TMC2: variants seen among roughly 807,000 people sequenced by gnomAD.
The protein encoded by TMC2 is transmembrane channel like 2.
A neutral mutation model predicts 105.9 loss-of-function variants in TMC2; 102 were observed. That is an observed-to-expected ratio of 0.96 (90% CI 0.82 to 1.14). The LOEUF is 1.14. Ranked by LOEUF, TMC2 falls within the 50% of genes most tolerant of loss-of-function variation. The pLI is 0.00. For synonymous variants in TMC2, 402 were observed against 422.8 expected, an observed-to-expected ratio of 0.95 and a Z score of 0.60; for missense variants, 1,093 against 1,134.3, an observed-to-expected ratio of 0.96 and a Z score of 0.52.
At position 2,624,304 on chromosome 20, in the gene TMC2, G is replaced by A. The variant is rs1568528931; in HGVS notation, c.2214G>A (p.Glu738=). 6 of 1,614,062 alleles carry A rather than the reference G, an allele frequency of 3.7e-6. No homozygotes were observed. The highest frequency in any genetic ancestry group is 5.1e-6 in the Non-Finnish European group (6 of 1,180,018). ...ACAGAATGTACGATGTCCTCCAAGA[G>A]ACCATTGAAAACGATTTCCCAACCT... is the stretch of plus-strand genomic sequence containing the variant. The part of the protein sequence containing the change: ...GKNRMYDVLQ[E]TIENDFPTFL... The change falls in exon 17 of 20, where the codon GAG becomes GAA. Residue 738 remains glutamate (E), a synonymous_variant. Coordinates refer to ENST00000358864, the MANE Select transcript of TMC2 (RefSeq NM_080751.3).
chr20:2,594,917 T>A lies in TMC2; in HGVS notation c.1026T>A (p.Phe342Leu). 1 of 1,614,114 alleles carries A rather than the reference T, an allele frequency of 6.2e-7. No individual in the cohort carries two copies. The change falls in exon 9 of 20, where the codon TTT becomes TTA. Residue 342 changes from phenylalanine (F) to leucine (L), a missense_variant. Transcript: ENST00000358864. ...GGTACCGGCTGCCTATGGCTTACTTTATGGTGGGGGTCAGCGTGTTCGGCT... is the reference window on the plus strand; with the variant it reads ...GGTACCGGCTGCCTATGGCTTACTTAATGGTGGGGGTCAGCGTGTTCGGCT... ...WLRYRLPMAY[F>L]MVGVSVFGYS...
chr20:2,576,182 CT>C (rs994706466), intron 5 of TMC2, among the ~76,000 whole-genome samples: 12 of 152,102 alleles, frequency 7.9e-5, no homozygotes, highest in African/African-American at 2.9e-4. Context: ...TGACTTGAAA[CT>C]TTTTTCCTAT....
At position 2,592,088 on chromosome 20, in the gene TMC2, G is replaced by T. The variant is rs2086272977; in HGVS notation, c.835-222G>T. On this transcript the variant is annotated intron_variant, in intron 7 of 19. Transcript: ENST00000358864. The surrounding 1 kb of genome is among the most constrained non-coding windows in gnomAD (Gnocchi z 4.9). ...AATCACTTGAACCTGGGAGGCGGAG[G>T]TTACAGTAAGCTGAGACTGTGCTAT... 6.6e-6 allele frequency among the ~76,000 whole-genome samples: 1 copy of T among 152,164 alleles called. No homozygotes were observed. Among genetic ancestry groups the T allele is most frequent in the South Asian group, 2.1e-4 (1 of 4,832 alleles).
chr20:2,543,903 G>GATTTTTTTTTTTTTTTTTTTTTTTTT (rs3051735), intron 2 of TMC2, among the ~76,000 whole-genome samples: 1 of 144,184 alleles, frequency 6.9e-6, no homozygotes. Context: ...CTGCATGTCA[G>GATTTTTTTTTTTTTTTTTTTTTTTTT]TTTTTTTTTT....
At chr20:2,576,900 G>GTT (rs796520290) in intron 5 of TMC2, among the ~76,000 whole-genome samples, 4 of 118,688 alleles carry the variant, frequency 3.4e-5, no homozygotes, top group African/African-American at 7.4e-5. Context: ...TTTCTTCTTG[G>GTT]TTTTTTTTTT....
intron 12 of TMC2, among the ~76,000 whole-genome samples, chr20:2,611,339 A>G (rs1427035911): frequency 2.0e-5 from 3 of 152,042 alleles, no homozygotes; most frequent in Non-Finnish European, 4.4e-5. Context: ...GCTAACAGAA[A>G]ACTGTTCTAA....
chr20:2,641,364 C>G lies in TMC2; in HGVS notation c.*13C>G. The G allele has an allele frequency of 6.3e-7, 1 of 1,582,062 alleles. No individual in the cohort carries two copies. The highest frequency in any genetic ancestry group is 8.7e-7 in the Non-Finnish European group (1 of 1,152,968). On this transcript the variant is annotated 3_prime_UTR_variant, in exon 20 of 20. Coordinates refer to ENST00000358864, the MANE Select transcript of TMC2 (RefSeq NM_080751.3). Reference sequence around the variant, plus strand: ...ACCTCCCCACTGATGGCTAGGACTCCAGGGAGCCTCGACCCTAGGGCTGAT... The same window carrying G: ...ACCTCCCCACTGATGGCTAGGACTCGAGGGAGCCTCGACCCTAGGGCTGAT...
intron 2 of TMC2, 80 bp downstream of exon 2, chr20:2,537,396 T>G (rs749832338): frequency 6.9e-5 from 77 of 1,116,130 alleles, no homozygotes; most frequent in Non-Finnish European, 7.3e-5. Flanking sequence ...CAGCCACCCA[T>G]CCAACATTCT....
At chr20:2,641,038 AAAAC>A (rs1157352781) in intron 19 of TMC2, 92 bp from the exon 20 acceptor site, 4 of 1,075,312 alleles carry the variant, frequency 3.7e-6, no homozygotes, top group Admixed American at 3.6e-5. Context: ...AAATAGGACT[AAAAC>A]CTACACACAC....
intron 2 of TMC2, among the ~76,000 whole-genome samples, chr20:2,545,826 A>AGG (rs758998951): frequency 1.7e-5 from 1 of 58,774 alleles, no homozygotes; most frequent in African/African-American, 6.4e-5. Flanking sequence ...GAAGAGGAAG[A>AGG]AAGAAAGAAA....
rs1377320301 is a variant in TMC2 at position 2,643,092 on chromosome 20, C to T, written c.*1741C>T. Among the ~76,000 whole-genome samples the T allele has an allele frequency of 6.6e-6, 1 of 152,134 alleles. No individual in the cohort carries two copies. Among genetic ancestry groups the T allele is most frequent in the Non-Finnish European group, 1.5e-5 (1 of 68,024 alleles). ...CAATGGAATAATAGGGACATGTGAC[C>T]AGGAGAAACAGGATAAATTATTTCA... On this transcript the variant is annotated 3_prime_UTR_variant, in exon 20 of 20. Transcript: ENST00000358864.
At chr20:2,633,744 A>C (rs990296659) in intron 17 of TMC2, among the ~76,000 whole-genome samples, 1 of 117,352 alleles carries the variant, frequency 8.5e-6, no homozygotes, top group Non-Finnish European at 1.8e-5. Flanking sequence ...TTGGTTTCCA[A>C]ACCTACTACA....
chr20:2,603,905 G>A (rs1001204697), intron 11 of TMC2, among the ~76,000 whole-genome samples: 4 of 152,220 alleles, frequency 2.6e-5, no homozygotes, highest in African/African-American at 9.7e-5. Flanking sequence ...TCTGTCCTAA[G>A]TTGGGAAGTT....
At chr20:2,639,696 GAA>G (rs2086674703) in intron 19 of TMC2, among the ~76,000 whole-genome samples, 1 of 152,162 alleles carries the variant, frequency 6.6e-6, no homozygotes, top group Admixed American at 6.5e-5. Flanking sequence ...AATAGAGTGA[GAA>G]AAGTCAACAT....
intron 14 of TMC2, 88 bp downstream of exon 14, chr20:2,613,410 C>T: frequency 6.3e-7 from 1 of 1,576,560 alleles, no homozygotes; most frequent in Non-Finnish European, 8.7e-7. Context: ...TTGGGCATTT[C>T]ATTTCTTTGG....
chr20:2,569,806 C>T (rs1051502725), intron 4 of TMC2, among the ~76,000 whole-genome samples: 4 of 152,182 alleles, frequency 2.6e-5, no homozygotes, highest in African/African-American at 9.7e-5. Flanking sequence ...CTAAGGTTCT[C>T]TTCTGAGCTC....
chr20:2,631,959 T>C (rs1022667082), intron 17 of TMC2, among the ~76,000 whole-genome samples: 1 of 152,198 alleles, frequency 6.6e-6, no homozygotes, highest in Non-Finnish European at 1.5e-5. Flanking sequence ...TTTTACCTCA[T>C]TCTTTTTTCT....
chr20:2,642,386 C>T lies in TMC2; in HGVS notation c.*1035C>T, dbSNP rs899187326. Among the ~76,000 whole-genome samples, 3 of 152,086 alleles carry T rather than the reference C, an allele frequency of 2.0e-5. No homozygotes were observed. Among genetic ancestry groups the T allele is most frequent in the African/African-American group, 7.2e-5 (3 of 41,402 alleles). On this transcript the variant is annotated 3_prime_UTR_variant, in exon 20 of 20. Coordinates refer to ENST00000358864, the MANE Select transcript of TMC2 (RefSeq NM_080751.3). ...GAGTGAAAACAGTGAATCACAGGAG[C>T]GAGTGAGTTGCCCAGTGCCTCTTAT...
At chr20:2,544,489 C>A (rs1380954991) in intron 2 of TMC2, among the ~76,000 whole-genome samples, 1 of 152,160 alleles carries the variant, frequency 6.6e-6, no homozygotes. Context: ...TTTCTGATTT[C>A]TTTGTTTACT....
Sources: gnomAD v4.1 joint callset for allele counts (sites outside exome capture counted in the v4.1 genomes callset) on GRCh38, gnomAD v4.1.1 for gene constraint, Gnocchi (gnomAD v3.1) non-coding constraint, MANE v1.5 for transcripts, NCBI Gene and HGNC (gene_info 2026-07-23, HGNC 2026-07-21) for gene names.